The following SLC8A3 variants were observed in gnomAD, a reference collection of about 807,000 sequenced individuals.
SLC8A3 encodes solute carrier family 8 member A3, also known as sodium/calcium exchanger 3.
SLC8A3 carries 37 observed loss-of-function variants against 65.4 expected under a neutral mutation model. The ratio of observed to expected loss-of-function variants is 0.57; its 90% CI spans 0.44 to 0.74. SLC8A3 has a LOEUF of 0.74. SLC8A3 is among the 30% of genes least tolerant of loss of function. The pLI is 0.00. For missense variants in SLC8A3, 1,112 were observed against 1,172.1 expected, an observed-to-expected ratio of 0.95 and a Z score of 0.75; for synonymous variants, 461 against 444.5, an observed-to-expected ratio of 1.04 and a Z score of -0.47.
intron 3 of SLC8A3, among the ~76,000 whole-genome samples, chr14:70,058,336 G>A (rs1197042681): frequency 6.6e-6 from 1 of 150,892 alleles, no homozygotes; most frequent in East Asian, 1.9e-4. Flanking sequence ...AGACAATCAG[G>A]TTTTATGACC....
intron 1 of SLC8A3, among the ~76,000 whole-genome samples, chr14:70,174,514 T>G (rs1452155434): frequency 2.6e-5 from 4 of 151,780 alleles, no homozygotes; most frequent in Admixed American, 6.6e-5. Flanking sequence ...GAAAGCCAGG[T>G]GTGGAATTTA....
At chr14:70,182,870 A>G (rs1882874729) in intron 1 of SLC8A3, among the ~76,000 whole-genome samples, 1 of 152,210 alleles carries the variant, frequency 6.6e-6, no homozygotes, top group African/African-American at 2.4e-5. Flanking sequence ...GGGGCAGTTT[A>G]CCAAAGTAAG....
chr14:70,101,297 G>T (rs1184961140), intron 2 of SLC8A3, among the ~76,000 whole-genome samples: 1 of 152,198 alleles, frequency 6.6e-6, no homozygotes, highest in Admixed American at 6.5e-5. Context: ...ACTGAACCAG[G>T]AATGGCCATC....
At chr14:70,136,652 C>A (rs1367351577) in intron 2 of SLC8A3, among the ~76,000 whole-genome samples, 1 of 152,232 alleles carries the variant, frequency 6.6e-6, no homozygotes, top group East Asian at 1.9e-4. Flanking sequence ...ATCAGAGAGG[C>A]CTTTCCAGAC....
At chr14:70,156,342 A>G (rs1896571375) in intron 2 of SLC8A3, among the ~76,000 whole-genome samples, 1 of 152,250 alleles carries the variant, frequency 6.6e-6, no homozygotes, top group African/African-American at 2.4e-5. Context: ...AAATAGTGAC[A>G]ATAATTTCAT....
At chr14:70,051,700 T>C (rs1485962162) in intron 4 of SLC8A3, among the ~76,000 whole-genome samples, 1 of 152,212 alleles carries the variant, frequency 6.6e-6, no homozygotes, top group Non-Finnish European at 1.5e-5. Flanking sequence ...AGTTTTAATA[T>C]TTTTGCTTTA....
At chr14:70,145,488 A>T (rs1209686832) in intron 2 of SLC8A3, among the ~76,000 whole-genome samples, 1 of 152,202 alleles carries the variant, frequency 6.6e-6, no homozygotes, top group Non-Finnish European at 1.5e-5. Flanking sequence ...TCATTTTTTA[A>T]TGAAGGAAAT....
At chr14:70,165,160 T>A (rs1417839994) in intron 2 of SLC8A3, among the ~76,000 whole-genome samples, 2 of 152,252 alleles carry the variant, frequency 1.3e-5, no homozygotes, top group Non-Finnish European at 2.9e-5. Flanking sequence ...AAAGTATTGT[T>A]ATTCCCAGTT....
intron 3 of SLC8A3, among the ~76,000 whole-genome samples, chr14:70,056,032 C>A (rs540146193): frequency 2.0e-4 from 30 of 152,294 alleles, no homozygotes; most frequent in Non-Finnish European, 3.4e-4. Flanking sequence ...TGCTGAGCAC[C>A]AGGGCCCTGG....
intron 3 of SLC8A3, among the ~76,000 whole-genome samples, chr14:70,055,103 C>T (rs184397406): frequency 6.6e-6 from 1 of 152,148 alleles, no homozygotes; most frequent in East Asian, 1.9e-4. Context: ...AGGTGTACGT[C>T]CTCTATAGCA....
At chr14:70,125,201 G>T (rs1472520510) in intron 2 of SLC8A3, among the ~76,000 whole-genome samples, 2 of 152,234 alleles carry the variant, frequency 1.3e-5, no homozygotes, top group East Asian at 3.9e-4. Flanking sequence ...AATTTAAGGG[G>T]TGTAAGGGCA....
intron 1 of SLC8A3, among the ~76,000 whole-genome samples, chr14:70,183,338 A>T (rs536808943): frequency 6.6e-6 from 1 of 152,158 alleles, no homozygotes; most frequent in Admixed American, 6.5e-5. Context: ...TTCACTCACC[A>T]TATTATTTTT....
intron 2 of SLC8A3, among the ~76,000 whole-genome samples, chr14:70,094,888 G>A (rs934144503): frequency 2.1e-4 from 32 of 152,138 alleles, no homozygotes; most frequent in African/African-American, 5.1e-4. Flanking sequence ...GAGTATTATC[G>A]TTCCCATCTG....
intron 2 of SLC8A3, among the ~76,000 whole-genome samples, chr14:70,162,042 G>T (rs149953619): frequency 6.6e-6 from 1 of 151,942 alleles, no homozygotes; most frequent in Non-Finnish European, 1.5e-5. Context: ...ATTTCCGTGG[G>T]CTATTTTCCT....
At chr14:70,063,964 G>A (rs765187245) in intron 2 of SLC8A3, 3 of 1,192,902 alleles carry the variant, frequency 2.5e-6, no homozygotes, top group African/African-American at 3.0e-5. Flanking sequence ...TAAGCAAGGA[G>A]TAGAGTGTAG....
chr14:70,145,883 G>A (rs957987120), intron 2 of SLC8A3, among the ~76,000 whole-genome samples: 8 of 151,490 alleles, frequency 5.3e-5, no homozygotes, highest in Non-Finnish European at 7.4e-5. Flanking sequence ...AATGAGGGGC[G>A]CCAAGACAAG....
At position 70,080,087 on chromosome 14, in the gene SLC8A3, C is replaced by A. The variant is rs1890921562; in HGVS notation, c.1785-19148G>T. ...CAGCAAGTGATGGTTCCCTTTCCTTCCCCTCTTTCCTTGACCCCTTCCTTT... is the reference window on the plus strand; with the variant it reads ...CAGCAAGTGATGGTTCCCTTTCCTTACCCTCTTTCCTTGACCCCTTCCTTT... On this transcript the variant is annotated intron_variant, in intron 2 of 6. Coordinates refer to ENST00000356921, the MANE Select transcript of SLC8A3 (RefSeq NM_182932.3). The A allele has an allele frequency of 3.0e-6, 3 of 985,324 alleles. No homozygotes were observed. In the African/African-American group the frequency reaches 5.2e-5, roughly 17 times the overall value. 61.0% of individuals were successfully genotyped at this position (985,324 alleles called of 1,614,324 possible). A position where few individuals can be genotyped will look rare whatever the true frequency, so the allele number is the denominator to read the frequency against.
At position 70,046,600 on chromosome 14, in the gene SLC8A3, T is replaced by G. The variant is rs1439624540; in HGVS notation, c.2390-277A>C. On this transcript the variant is annotated intron_variant, in intron 6 of 6. Transcript: ENST00000356921. This position sits in a 1 kb window ranked among gnomAD's most constrained non-coding sequence, Gnocchi z 4.2. ...TCTGATATTTACTGAGTGGGCTTAT[T>G]GTTCTCCTTTGACTACTTTTTCAGT... 5.3e-6 allele frequency: 2 copies of G among 377,370 alleles called. No individual in the cohort carries two copies. Among genetic ancestry groups the G allele is most frequent in the Non-Finnish European group, 9.6e-6 (2 of 209,242 alleles). 23.4% of individuals were successfully genotyped at this position (377,370 alleles called of 1,614,324 possible).
intron 2 of SLC8A3, among the ~76,000 whole-genome samples, chr14:70,076,941 A>T (rs1890579321): frequency 6.6e-6 from 1 of 152,192 alleles, no homozygotes; most frequent in Admixed American, 6.5e-5. Flanking sequence ...AAATTACCGA[A>T]TCTCTATGAG....
Sources: allele counts gnomAD v4.1 joint callset (sites outside exome capture counted in the v4.1 genomes callset), GRCh38; gene constraint gnomAD v4.1.1; non-coding constraint Gnocchi (gnomAD v3.1); transcripts MANE v1.5; gene names NCBI Gene and HGNC (gene_info 2026-07-23, HGNC 2026-07-21).